Variants in QPCT observed in about 807,000 individuals in gnomAD.
QPCT encodes glutaminyl-peptide cyclotransferase.
QPCT carries 44 observed loss-of-function variants against 43.4 expected under a neutral mutation model. That is an observed-to-expected ratio of 1.01 (90% CI 0.80 to 1.30). The LOEUF is 1.30. Ranked by LOEUF, QPCT falls within the 50% of genes most tolerant of loss-of-function variation. QPCT has a pLI of 0.00. For missense variants in QPCT, 526 were observed against 436.5 expected, an observed-to-expected ratio of 1.21 and a Z score of -1.83; for synonymous variants, 168 against 168.4, an observed-to-expected ratio of 1.00 and a Z score of 0.02.
At chr2:37,362,337 G>C (rs1672870898) in intron 3 of QPCT, among the ~76,000 whole-genome samples, 1 of 152,106 alleles carries the variant, frequency 6.6e-6, no homozygotes, top group South Asian at 2.1e-4. Flanking sequence ...ACTGAAGCAA[G>C]CACCTTACAA....
intron 3 of QPCT, among the ~76,000 whole-genome samples, chr2:37,366,646 A>T (rs1193893346): frequency 1.3e-5 from 2 of 152,188 alleles, no homozygotes; most frequent in Admixed American, 1.3e-4. Flanking sequence ...CAGGTCACTT[A>T]TTAGGGAGTG....
chr2:37,347,385 C>A (rs1443866513), intron 1 of QPCT, among the ~76,000 whole-genome samples: 1 of 150,450 alleles, frequency 6.6e-6, no homozygotes, highest in Non-Finnish European at 1.5e-5. Flanking sequence ...TTGGCTTAAG[C>A]CCTGATCTCT....
At position 37,347,153 on chromosome 2, in the gene QPCT, TA is replaced by T. The variant is rs1324627036; in HGVS notation, c.120+2303del. Among the ~76,000 whole-genome samples, 3 of 57,108 alleles carry T rather than the reference TA, an allele frequency of 5.3e-5. 1 individual carries two copies. The highest frequency in any genetic ancestry group is 2.7e-4 in the African/African-American group (3 of 10,970). 37.5% of individuals were successfully genotyped at this position (57,108 alleles called of 152,430 possible). On this transcript the variant is annotated intron_variant, in intron 1 of 6. Transcript: ENST00000338415. ...CTGGGTATGGGGTGTTTTATATATA[TA>T]TATATATATAACATATATATATATA...
chr2:37,354,574 T>C (rs1672701112), intron 2 of QPCT, among the ~76,000 whole-genome samples: 1 of 152,218 alleles, frequency 6.6e-6, no homozygotes, highest in Non-Finnish European at 1.5e-5. Flanking sequence ...ATCTCTATCC[T>C]GTCACTGGAG....
At position 37,367,282 on chromosome 2, in the gene QPCT, T is replaced by C; in HGVS notation, c.597T>C (p.Asp199=). The part of the protein sequence containing the change: ...PDLSLQLIFF[D]GEEAFLHWSP... ...TGTCACTCCAGCTGATCTTCTTTGA[T>C]GGTGAAGAGGCTTTTCTTCACTGGT... is the stretch of plus-strand genomic sequence containing the variant. Residue 199 remains aspartate, a synonymous_variant, in exon 4 of 7, where the codon GAT becomes GAC. Transcript: ENST00000338415. 6.2e-7 allele frequency: 1 copy of C among 1,614,094 alleles called. No individual in the cohort carries two copies.
intron 3 of QPCT, 189 bp downstream of exon 3, chr2:37,360,047 C>T (rs1269464688): frequency 1.1e-5 from 7 of 619,314 alleles, no homozygotes; most frequent in African/African-American, 1.8e-5. Flanking sequence ...ACCTAAGATA[C>T]GTGACAATGC....
chr2:37,367,773 G>A (rs1366662696), intron 4 of QPCT, among the ~76,000 whole-genome samples: 4 of 152,138 alleles, frequency 2.6e-5, no homozygotes, highest in Non-Finnish European at 5.9e-5. Flanking sequence ...AGAGGCTAAG[G>A]CAGGAGGATT....
intron 5 of QPCT, 132 bp from the exon 6 acceptor site, chr2:37,372,224 C>A (rs1448061367): frequency 7.0e-6 from 5 of 718,478 alleles, no homozygotes; most frequent in Non-Finnish European, 1.0e-5. Flanking sequence ...TGTGGCCATG[C>A]TTGCTGTTGC....
At chr2:37,353,000 T>A in intron 2 of QPCT, 65 bp downstream of exon 2, 1 of 1,542,150 alleles carries the variant, frequency 6.5e-7, no homozygotes. Context: ...AGGGATAATG[T>A]TATGGCTGAA....
intron 2 of QPCT, among the ~76,000 whole-genome samples, chr2:37,356,259 A>G (rs2124935278): frequency 6.6e-6 from 1 of 152,148 alleles, no homozygotes; most frequent in South Asian, 2.1e-4. Flanking sequence ...TCATGTCTTC[A>G]TCTTTGTATT....
At chr2:37,349,128 T>C (rs1572727691) in intron 1 of QPCT, among the ~76,000 whole-genome samples, 1 of 152,354 alleles carries the variant, frequency 6.6e-6, no homozygotes, top group East Asian at 1.9e-4. Context: ...TAGTTGGTTG[T>C]TTCCTCTTCT....
rs375930712 is a variant in QPCT at position 37,359,642 on chromosome 2, G to T, written c.330G>T (p.Leu110Phe). 1.2e-6 allele frequency: 2 copies of T among 1,614,082 alleles called. No individual in the cohort carries two copies. The highest frequency in any genetic ancestry group is 2.2e-5 in the East Asian group (1 of 44,888). Residue 110 changes from leucine to phenylalanine, a missense_variant, in exon 3 of 7, where the codon TTG (leucine) becomes TTT (phenylalanine). Coordinates refer to ENST00000338415, the MANE Select transcript of QPCT (RefSeq NM_012413.4). ...GGGTCTTGGAAATAGACACCTTCTT[G>T]AGTCAGACACCCTATGGGTACCGGT... ...ADWVLEIDTF[L>F]SQTPYGYRSF...
intron 1 of QPCT, among the ~76,000 whole-genome samples, chr2:37,352,232 A>G (rs927462032): frequency 6.6e-6 from 1 of 152,068 alleles, no homozygotes; most frequent in Non-Finnish European, 1.5e-5. Flanking sequence ...AAATTCGAGG[A>G]CCCCTTAATT....
At chr2:37,350,538 C>G (rs1672598122) in intron 1 of QPCT, among the ~76,000 whole-genome samples, 1 of 152,316 alleles carries the variant, frequency 6.6e-6, no homozygotes, top group Non-Finnish European at 1.5e-5. Context: ...TGTTCAGGCA[C>G]AGCACCAATA....
intron 5 of QPCT, 152 bp downstream of exon 5, chr2:37,369,936 AGGGTCAGGAGTTTG>A (rs769530111): frequency 4.6e-5 from 31 of 671,920 alleles, no homozygotes; most frequent in Non-Finnish European, 6.9e-5. Flanking sequence ...CAGATCAGCT[AGGGTCAGGAGTTTG>A]AGACCAGCCT....
At chr2:37,347,890 T>C (rs999370244) in intron 1 of QPCT, among the ~76,000 whole-genome samples, 2 of 152,240 alleles carry the variant, frequency 1.3e-5, no homozygotes, top group African/African-American at 4.8e-5. Context: ...CTGCCTTCTA[T>C]TGAAGTCTTC....
At chr2:37,367,834 A>G (rs1672997601) in intron 4 of QPCT, among the ~76,000 whole-genome samples, 1 of 152,104 alleles carries the variant, frequency 6.6e-6, no homozygotes, top group East Asian at 1.9e-4. Context: ...GCTCCATTGC[A>G]CTCCAGCCTG....
chr2:37,359,452 G>A (rs1672818708), intron 2 of QPCT, 128 bp from the exon 3 acceptor site: 1 of 805,430 alleles, frequency 1.2e-6, no homozygotes, highest in Non-Finnish European at 1.9e-6. Flanking sequence ...CAATAATATT[G>A]CTATGAATTC....
intron 2 of QPCT, among the ~76,000 whole-genome samples, chr2:37,357,301 AC>A (rs1424534279): frequency 6.8e-6 from 1 of 146,906 alleles, no homozygotes. Context: ...TTTTTAAATG[AC>A]CCATTTTGTG....
Sources: gnomAD v4.1 joint callset for allele counts (sites outside exome capture counted in the v4.1 genomes callset) on GRCh38, gnomAD v4.1.1 for gene constraint, MANE v1.5 for transcripts, NCBI Gene and HGNC (gene_info 2026-07-23, HGNC 2026-07-21) for gene names.